The following TMEFF2 variants were observed in gnomAD, a reference collection of about 807,000 sequenced individuals.
The protein encoded by TMEFF2 is tomoregulin-2.
In TMEFF2, 28 loss-of-function variants were observed where a neutral mutation model predicts 53.8. That is an observed-to-expected ratio of 0.52 (90% CI 0.39 to 0.71). TMEFF2 has a LOEUF of 0.71. Among genes scored for constraint, TMEFF2 ranks in the 30% least tolerant of loss-of-function variants. TMEFF2 has a pLI of 0.00. For missense variants in TMEFF2, 353 were observed against 455.2 expected (o/e 0.78, Z 2.04); for synonymous variants, 162 against 166.3 (o/e 0.97, Z 0.20).
chr2:192,078,018 C>CT (rs1341573691), intron 4 of TMEFF2, among the ~76,000 whole-genome samples: 7 of 152,016 alleles, frequency 4.6e-5, no homozygotes, highest in Non-Finnish European at 8.8e-5. Context: ...GTACTATAGT[C>CT]TTTTTTTAAA....
At chr2:192,013,292 C>T (rs1686672903) in intron 5 of TMEFF2, among the ~76,000 whole-genome samples, 1 of 152,160 alleles carries the variant, frequency 6.6e-6, no homozygotes, top group Non-Finnish European at 1.5e-5. Flanking sequence ...CAACATGCCA[C>T]ATGCTTCTGC....
Position 192,194,646 on chromosome 2 carries a change from T to A in TMEFF2, c.-122A>T. The A allele has an allele frequency of 8.9e-7, 1 of 1,121,968 alleles. No homozygotes were observed. Among genetic ancestry groups the A allele is most frequent in the Non-Finnish European group, 1.3e-6 (1 of 782,728 alleles). The allele number at this position is 1,121,968 out of a possible 1,614,324, so 69.5% of individuals were successfully genotyped here. A position where few individuals can be genotyped will look rare whatever the true frequency, so the allele number is the denominator to read the frequency against. On this transcript the variant is annotated 5_prime_UTR_variant, in exon 1 of 10. Coordinates refer to ENST00000272771, the MANE Select transcript of TMEFF2 (RefSeq NM_016192.4). The surrounding 1 kb of genome is among the most constrained non-coding windows in gnomAD (Gnocchi z 4.2). ...GCAGCAGAGGCGGCGGCGGTGGCAG[T>A]GGCACCCGGCGGGGAAGCAGCAGCC...
At chr2:192,055,009 A>G (rs1301150044) in intron 5 of TMEFF2, among the ~76,000 whole-genome samples, 1 of 152,146 alleles carries the variant, frequency 6.6e-6, no homozygotes, top group Non-Finnish European at 1.5e-5. Context: ...CCACTTAAAG[A>G]ATAATCATTA....
chr2:192,006,126 A>C (rs1686496484), intron 5 of TMEFF2, among the ~76,000 whole-genome samples: 1 of 151,620 alleles, frequency 6.6e-6, no homozygotes, highest in Non-Finnish European at 1.5e-5. Context: ...AGGAATGAAT[A>C]ATGCCCTTCT....
chr2:192,154,130 G>A (rs142610435), intron 4 of TMEFF2, among the ~76,000 whole-genome samples: 1 of 151,852 alleles, frequency 6.6e-6, no homozygotes, highest in East Asian at 1.9e-4. Flanking sequence ...CCTATGATTA[G>A]AGGAGTCCAA....
At chr2:191,967,305 G>A (rs1381838056) in intron 7 of TMEFF2, among the ~76,000 whole-genome samples, 7 of 152,006 alleles carry the variant, frequency 4.6e-5, no homozygotes, top group African/African-American at 1.7e-4. Context: ...TGCTGTTGAT[G>A]CTCTGACACC....
At chr2:191,997,699 T>C (rs1173228945) in intron 7 of TMEFF2, among the ~76,000 whole-genome samples, 2 of 148,336 alleles carry the variant, frequency 1.3e-5, no homozygotes, top group African/African-American at 4.8e-5. Flanking sequence ...ATATGATTTA[T>C]ATTTATATAA....
intron 4 of TMEFF2, among the ~76,000 whole-genome samples, chr2:192,072,355 A>G (rs151183126): frequency 5.8e-4 from 88 of 152,108 alleles, no homozygotes; most frequent in African/African-American, 2.1e-3. Context: ...CTACATTCAC[A>G]TGCATACTTT....
chr2:192,185,689 T>G lies in TMEFF2; in HGVS notation c.283-1206A>C, dbSNP rs560106016. Among the ~76,000 whole-genome samples, 5 of 152,156 alleles carry G rather than the reference T, an allele frequency of 3.3e-5. No individual in the cohort carries two copies. In the South Asian group the frequency reaches 1.0e-3, roughly 32 times the overall value. On this transcript the variant is annotated intron_variant, in intron 2 of 9. Coordinates refer to ENST00000272771, the MANE Select transcript of TMEFF2 (RefSeq NM_016192.4). ...CCTCTCAACATGTTGATAATCTGAT[T>G]GATTAAAACCTGAAATTTATTATTT...
At chr2:192,040,897 G>A (rs768730434) in intron 5 of TMEFF2, among the ~76,000 whole-genome samples, 11 of 152,120 alleles carry the variant, frequency 7.2e-5, no homozygotes, top group Non-Finnish European at 1.2e-4. Flanking sequence ...TCAACAAATG[G>A]TGTAGAAACA....
At chr2:192,097,760 C>T (rs536051994) in intron 4 of TMEFF2, among the ~76,000 whole-genome samples, 1 of 152,186 alleles carries the variant, frequency 6.6e-6, no homozygotes, top group East Asian at 1.9e-4. Flanking sequence ...TTAGACTATA[C>T]AGATATATCA....
intron 7 of TMEFF2, among the ~76,000 whole-genome samples, chr2:191,969,168 G>C (rs71414958): frequency 4.4e-5 from 1 of 22,740 alleles, no homozygotes; most frequent in Non-Finnish European, 1.4e-4. Context: ...TATATATATA[G>C]AGAGAGAGAG....
chr2:192,008,917 C>T (rs1686564127), intron 5 of TMEFF2, among the ~76,000 whole-genome samples: 1 of 152,148 alleles, frequency 6.6e-6, no homozygotes, highest in Admixed American at 6.6e-5. Flanking sequence ...AGATTTCCCA[C>T]GAAACTGCAA....
At chr2:191,981,078 T>G (rs953179993) in intron 7 of TMEFF2, among the ~76,000 whole-genome samples, 1 of 152,110 alleles carries the variant, frequency 6.6e-6, no homozygotes, top group African/African-American at 2.4e-5. Flanking sequence ...CCAGGTTTTT[T>G]TTTTTTATTT....
At chr2:192,158,059 T>G (rs1690547756) in intron 4 of TMEFF2, among the ~76,000 whole-genome samples, 1 of 152,112 alleles carries the variant, frequency 6.6e-6, no homozygotes, top group African/African-American at 2.4e-5. Flanking sequence ...TGGCACAGTA[T>G]GAGTACCATG....
At chr2:192,158,438 G>T (rs1262386302) in intron 4 of TMEFF2, among the ~76,000 whole-genome samples, 2 of 151,978 alleles carry the variant, frequency 1.3e-5, no homozygotes, top group Admixed American at 1.3e-4. Context: ...TCATTACTTG[G>T]CACAGAGTTG....
intron 4 of TMEFF2, among the ~76,000 whole-genome samples, chr2:192,174,703 T>A (rs1197138124): frequency 6.6e-6 from 1 of 151,716 alleles, no homozygotes; most frequent in African/African-American, 2.4e-5. Flanking sequence ...TTCAGACGTG[T>A]CATGCTTGGT....
chr2:192,083,752 G>T (rs1688606755), intron 4 of TMEFF2, among the ~76,000 whole-genome samples: 1 of 150,612 alleles, frequency 6.6e-6, no homozygotes, highest in African/African-American at 2.4e-5. Context: ...GGCCCTAATT[G>T]TATTTTCAAA....
chr2:191,969,141 A>ATG (rs71405031), intron 7 of TMEFF2, among the ~76,000 whole-genome samples: 11,096 of 150,222 alleles, frequency 0.074, 486 homozygotes, highest in South Asian at 0.11. Context: ...GTGTGTATCT[A>ATG]TGTGTGTGTG....
Sources: allele counts gnomAD v4.1 joint callset (sites outside exome capture counted in the v4.1 genomes callset), GRCh38; gene constraint gnomAD v4.1.1; non-coding constraint Gnocchi (gnomAD v3.1); transcripts MANE v1.5; gene names NCBI Gene and HGNC (gene_info 2026-07-23, HGNC 2026-07-21).